IBTK: variants seen among roughly 807,000 people sequenced by gnomAD.
The protein encoded by IBTK is BTK-binding protein.
A neutral mutation model predicts 154.9 loss-of-function variants in IBTK; 83 were observed. The observed-to-expected ratio is 0.54, with a 90% CI of 0.45 to 0.64. IBTK has a LOEUF of 0.64. Ranked by LOEUF, IBTK falls within the 30% of genes least tolerant of loss-of-function variation. IBTK has a pLI of 0.00. For missense variants in IBTK, 1,332 were observed against 1,584.6 expected, an observed-to-expected ratio of 0.84 and a Z score of 2.71; for synonymous variants, 515 against 536.1, an observed-to-expected ratio of 0.96 and a Z score of 0.54.
chr6:82,191,277 A>C, intron 24 of IBTK, 61 bp from the exon 25 acceptor site: 2 of 1,326,850 alleles, frequency 1.5e-6, no homozygotes, highest in South Asian at 2.7e-5. Flanking sequence ...TCCATGAGAA[A>C]TCATTTTGCT....
intron 3 of IBTK, among the ~76,000 whole-genome samples, chr6:82,232,055 T>C (rs1184025128): frequency 8.5e-6 from 1 of 117,990 alleles, no homozygotes; most frequent in Non-Finnish European, 1.7e-5. Context: ...CTTTTTTTTT[T>C]GTTGTTGTTT....
intron 26 of IBTK, 29 bp from the exon 27 acceptor site, chr6:82,173,467 T>G (rs747357870): frequency 6.3e-7 from 1 of 1,575,458 alleles, no homozygotes; most frequent in African/African-American, 1.4e-5. Context: ...AATTAAAGAT[T>G]AAAGCTTCTA....
chr6:82,182,357 A>G (rs1768352663), intron 25 of IBTK, among the ~76,000 whole-genome samples: 2 of 152,094 alleles, frequency 1.3e-5, no homozygotes, highest in Admixed American at 1.3e-4. Flanking sequence ...TATTAAAAAA[A>G]GAGCAAAATG....
Position 82,233,711 on chromosome 6 carries a change from G to GTTTTTTTTT in IBTK, c.418+439_418+447dup, listed in dbSNP as rs375746607. On this transcript the variant is annotated intron_variant, in intron 3 of 28. Coordinates refer to ENST00000306270, the MANE Select transcript of IBTK (RefSeq NM_015525.4). ...CACCTTAATGGAATACATTTGTAAA[G>GTTTTTTTTT]TTTTTTTTTTTTTTTTTTTTGAGAC... 7.3e-5 allele frequency among the ~76,000 whole-genome samples: 9 copies of GTTTTTTTTT among 122,832 alleles called. 1 individual carries two copies. Among genetic ancestry groups the GTTTTTTTTT allele is most frequent in the Non-Finnish European group, 1.2e-4 (7 of 60,140 alleles). 80.6% of individuals were successfully genotyped at this position (122,832 alleles called of 152,430 possible).
chr6:82,234,282 T>C lies in IBTK; in HGVS notation c.322-27A>G, dbSNP rs756265791. The C allele has an allele frequency of 5.9e-6, 5 of 854,334 alleles. No homozygotes were observed. In the Admixed American group the frequency reaches 1.1e-4, roughly 18 times the overall value. 52.9% of individuals were successfully genotyped at this position (854,334 alleles called of 1,614,324 possible). A position where few individuals can be genotyped will look rare whatever the true frequency, so the allele number is the denominator to read the frequency against. On this transcript the variant is annotated intron_variant, in intron 2 of 28. Coordinates refer to ENST00000306270, the MANE Select transcript of IBTK (RefSeq NM_015525.4). ...TAAAACAAACAAACAAACAAATACA[T>C]AAATATATATATATTATTAATTACC... is the stretch of plus-strand genomic sequence containing the variant.
Position 82,173,348 on chromosome 6 carries a change from A to C in IBTK, c.3797+19T>G. ...AGCAACTTAGCTTTGGAGGCCCATA[A>C]CTTATCAATTAACCTTACTTGGGAC... On this transcript the variant is annotated intron_variant, in intron 27 of 28. Coordinates refer to ENST00000306270, the MANE Select transcript of IBTK (RefSeq NM_015525.4). 1 of 1,587,570 alleles carries C rather than the reference A, an allele frequency of 6.3e-7. No homozygotes were observed.
intron 24 of IBTK, 131 bp from the exon 25 acceptor site, chr6:82,191,347 T>C: frequency 1.4e-6 from 1 of 719,050 alleles, no homozygotes; most frequent in Non-Finnish European, 2.3e-6. Context: ...AATAATAATG[T>C]TTTCTATTTA....
In IBTK at chr6:82,240,463, G is replaced by A. The variant is rs755560672; in HGVS notation, c.24C>T (p.Cys8=). The change falls in exon 2 of 29, where the codon TGC becomes TGT. Residue 8 remains cysteine, a synonymous_variant. Transcript: ENST00000306270. ...GCTTCAGGGATCGACACTTTGATGT[G>A]CAGTCAGGCATGGGTGAACTCATCC... MSSPMPD[C]TSKCRSLKHA... The A allele has an allele frequency of 1.9e-6, 3 of 1,613,372 alleles. No individual in the cohort carries two copies. Among genetic ancestry groups the A allele is most frequent in the Non-Finnish European group, 2.5e-6 (3 of 1,179,926 alleles).
rs1232060043 is a variant in IBTK, at chr6:82,240,552, G to A, written c.-66C>T. 1 of 1,334,238 alleles carries A rather than the reference G, an allele frequency of 7.5e-7. No individual in the cohort carries two copies. The highest frequency in any genetic ancestry group is 2.3e-5 in the East Asian group (1 of 43,398). The allele number at this position is 1,334,238 out of a possible 1,614,324, so 82.6% of individuals were successfully genotyped here. On this transcript the variant is annotated 5_prime_UTR_variant, in exon 2 of 29. Transcript: ENST00000306270. ...CTAATTTTAAAAAATGAAAAAGCCAGGACACAAAGGTGCTATTGAGGAAGT... is the reference window on the plus strand; with the variant it reads ...CTAATTTTAAAAAATGAAAAAGCCAAGACACAAAGGTGCTATTGAGGAAGT...
intron 1 of IBTK, among the ~76,000 whole-genome samples, chr6:82,244,570 T>C (rs1262915099): frequency 6.6e-6 from 1 of 152,198 alleles, no homozygotes; most frequent in Non-Finnish European, 1.5e-5. Context: ...TACTTCATAT[T>C]GTTCCTGATA....
chr6:82,223,578 G>A lies in IBTK; in HGVS notation c.986C>T (p.Pro329Leu), dbSNP rs1170718551. ...DPNGEKCVTA[P>L]RQVSALHHKD... ...ATGGTGAAGGGCAGAGACCTGACGA[G>A]GAGCAGTTACACACTTTTCTCCATT... The change falls in exon 8 of 29, where the codon CCT becomes CTT. Residue 329 changes from proline (P) to leucine (L), a missense_variant. This residue lies in a region of IBTK where 1,134 missense variants were observed against 1,274.7 expected (regional missense o/e 0.89). Transcript: ENST00000306270. 6.2e-7 allele frequency: 1 copy of A among 1,613,786 alleles called. No homozygotes were observed. Among genetic ancestry groups the A allele is most frequent in the East Asian group, 2.2e-5 (1 of 44,884 alleles).
At chr6:82,210,120 T>C (rs183026872) in intron 16 of IBTK, among the ~76,000 whole-genome samples, 1 of 152,340 alleles carries the variant, frequency 6.6e-6, no homozygotes, top group East Asian at 1.9e-4. Flanking sequence ...CCTAACAAAG[T>C]ACATAAATGA....
chr6:82,238,940 T>C (rs1022772724), intron 2 of IBTK, among the ~76,000 whole-genome samples: 3 of 151,688 alleles, frequency 2.0e-5, no homozygotes, highest in Non-Finnish European at 4.4e-5. Flanking sequence ...CGTTTTACTA[T>C]GTTGGCCAGG....
chr6:82,208,030 G>A (rs919121326), intron 16 of IBTK, among the ~76,000 whole-genome samples: 2 of 151,026 alleles, frequency 1.3e-5, no homozygotes, highest in African/African-American at 4.9e-5. Flanking sequence ...ATAAGATCTA[G>A]AGACCTTATA....
intron 2 of IBTK, among the ~76,000 whole-genome samples, chr6:82,236,536 T>C (rs1020745798): frequency 5.3e-5 from 8 of 152,210 alleles, no homozygotes; most frequent in African/African-American, 9.6e-5. Context: ...CATCCTGTCA[T>C]GGAATCAAGA....
intron 5 of IBTK, among the ~76,000 whole-genome samples, chr6:82,226,351 T>C (rs1467529163): frequency 6.6e-6 from 1 of 152,166 alleles, no homozygotes; most frequent in Non-Finnish European, 1.5e-5. Flanking sequence ...AAGCACCATT[T>C]AATAGATAAG....
chr6:82,172,047 T>C (rs528857997), intron 28 of IBTK, among the ~76,000 whole-genome samples: 1 of 152,296 alleles, frequency 6.6e-6, no homozygotes, highest in South Asian at 2.1e-4. Context: ...GCTTACAATC[T>C]TAGAATTCTT....
chr6:82,200,091 T>G (rs143153050), intron 21 of IBTK, 50 bp downstream of exon 21: 15 of 1,122,638 alleles, frequency 1.3e-5, no homozygotes, highest in Middle Eastern at 2.0e-4. Context: ...CATATGTGAA[T>G]AGAGACATAG....
intron 6 of IBTK, 60 bp from the exon 7 acceptor site, chr6:82,224,245 T>G (rs1456904145): frequency 5.7e-6 from 7 of 1,220,956 alleles, no homozygotes; most frequent in Non-Finnish European, 8.5e-6. Context: ...TACAATTTTT[T>G]AAAGATCCAG....
Sources: allele counts gnomAD v4.1 joint callset (sites outside exome capture counted in the v4.1 genomes callset), GRCh38; gene constraint gnomAD v4.1.1; regional missense constraint gnomAD v4.1.1; transcripts MANE v1.5; gene names NCBI Gene and HGNC (gene_info 2026-07-23, HGNC 2026-07-21).